CNTN5: variants seen among roughly 807,000 people sequenced by gnomAD.
CNTN5 encodes the protein contactin 5, also known as contactin-5.
Under a neutral mutation model 129.1 loss-of-function variants are expected in CNTN5, and 77 were observed. The observed-to-expected ratio is 0.60, with a 90% CI of 0.50 to 0.72. The LOEUF (loss-of-function observed/expected upper bound fraction) is 0.72, where lower values mean the gene tolerates loss of function less well. CNTN5 is among the 30% of genes least tolerant of loss of function. CNTN5 has a pLI of 0.00. For synonymous variants in CNTN5, 509 were observed against 465.6 expected, an observed-to-expected ratio of 1.09 and a Z score of -1.20; for missense variants, 1,478 against 1,328.8, an observed-to-expected ratio of 1.11 and a Z score of -1.75.
At chr11:99,028,093 C>T (rs939875894) in intron 1 of CNTN5, among the ~76,000 whole-genome samples, 2 of 151,726 alleles carry the variant, frequency 1.3e-5, no homozygotes, top group African/African-American at 2.4e-5. Context: ...AATTCTTTAA[C>T]ATTTTCAAAT....
At chr11:100,183,755 C>G (rs938512607) in intron 13 of CNTN5, among the ~76,000 whole-genome samples, 3 of 152,128 alleles carry the variant, frequency 2.0e-5, no homozygotes, top group African/African-American at 4.8e-5. Context: ...ACACTTTAAA[C>G]ATGTGCGATT....
At chr11:99,273,173 A>G (rs879430200) in intron 1 of CNTN5, among the ~76,000 whole-genome samples, 2 of 151,778 alleles carry the variant, frequency 1.3e-5, no homozygotes, top group Non-Finnish European at 2.9e-5. Context: ...AATGGGAAAA[A>G]GCCAAAAACA....
At chr11:99,146,562 G>A (rs1229107004) in intron 1 of CNTN5, among the ~76,000 whole-genome samples, 3 of 151,844 alleles carry the variant, frequency 2.0e-5, no homozygotes, top group Admixed American at 6.6e-5. Context: ...CAGAAGTTAG[G>A]GTTCTAAACA....
At chr11:99,527,552 G>A (rs1265169659) in intron 2 of CNTN5, among the ~76,000 whole-genome samples, 1 of 152,032 alleles carries the variant, frequency 6.6e-6, no homozygotes, top group African/African-American at 2.4e-5. Context: ...AAGAAAAATA[G>A]AGCAACTTCT....
chr11:99,638,632 G>A (rs543608787), intron 3 of CNTN5, among the ~76,000 whole-genome samples: 8 of 152,248 alleles, frequency 5.3e-5, no homozygotes, highest in South Asian at 4.1e-4. Flanking sequence ...GGGAGAAATC[G>A]GCTAAAACAA....
At chr11:100,314,426 T>C (rs1348075449) in intron 21 of CNTN5, among the ~76,000 whole-genome samples, 14 of 152,258 alleles carry the variant, frequency 9.2e-5, no homozygotes. Context: ...AGAAACAAGA[T>C]ATCATTTCTG....
At chr11:100,139,562 T>C (rs1345929880) in intron 13 of CNTN5, among the ~76,000 whole-genome samples, 1 of 152,010 alleles carries the variant, frequency 6.6e-6, no homozygotes, top group East Asian at 1.9e-4. Flanking sequence ...TAGGGCAGTT[T>C]CAAGAAATCA....
At chr11:99,190,901 G>C (rs1785112084) in intron 1 of CNTN5, among the ~76,000 whole-genome samples, 1 of 151,460 alleles carries the variant, frequency 6.6e-6, no homozygotes, top group Non-Finnish European at 1.5e-5. Context: ...TAGTGAGAAT[G>C]GGCATCCTTG....
At chr11:99,150,451 T>C (rs924274774) in intron 1 of CNTN5, among the ~76,000 whole-genome samples, 1 of 151,990 alleles carries the variant, frequency 6.6e-6, no homozygotes, top group Non-Finnish European at 1.5e-5. Flanking sequence ...AGTAGAGCAA[T>C]AATAGTAATC....
At chr11:100,058,967 G>A (rs1407409901) in intron 9 of CNTN5, among the ~76,000 whole-genome samples, 1 of 152,152 alleles carries the variant, frequency 6.6e-6, no homozygotes, top group African/African-American at 2.4e-5. Context: ...ACAGACGGAT[G>A]TGTTTCTGGG....
chr11:99,389,292 T>C (rs913551715), intron 2 of CNTN5, among the ~76,000 whole-genome samples: 2 of 152,074 alleles, frequency 1.3e-5, no homozygotes, highest in Admixed American at 6.6e-5. Flanking sequence ...CCCTGCAAAG[T>C]GCTGGGATTG....
intron 9 of CNTN5, among the ~76,000 whole-genome samples, chr11:100,003,398 A>G (rs770563): frequency 0.99 from 151,131 of 152,274 alleles, 75,009 homozygotes; most frequent in Middle Eastern, 1. Flanking sequence ...TCTGTGTCAA[A>G]TAGGTCTGAA....
chr11:100,036,442 G>C (rs1396700545), intron 9 of CNTN5, among the ~76,000 whole-genome samples: 2 of 151,690 alleles, frequency 1.3e-5, no homozygotes, highest in South Asian at 2.1e-4. Flanking sequence ...GATTGACTTG[G>C]CGATGCGGGC....
At chr11:99,239,730 T>C (rs1436511570) in intron 1 of CNTN5, among the ~76,000 whole-genome samples, 1 of 151,922 alleles carries the variant, frequency 6.6e-6, no homozygotes, top group Non-Finnish European at 1.5e-5. Flanking sequence ...GGTCAGCAGA[T>C]CGAGACCATC....
At chr11:99,973,069 G>T (rs916236914) in intron 8 of CNTN5, among the ~76,000 whole-genome samples, 2 of 151,798 alleles carry the variant, frequency 1.3e-5, no homozygotes, top group African/African-American at 4.8e-5. Flanking sequence ...TGAATGAAAG[G>T]CGATAACAAA....
chr11:100,214,289 C>G (rs1422905913), intron 15 of CNTN5, among the ~76,000 whole-genome samples: 1 of 152,094 alleles, frequency 6.6e-6, no homozygotes, highest in East Asian at 1.9e-4. Flanking sequence ...ATTTCCATAG[C>G]AAAAGCAGTT....
intron 1 of CNTN5, among the ~76,000 whole-genome samples, chr11:99,180,205 TAATAAGCAGATGATAC>T (rs1857981477): frequency 6.6e-6 from 1 of 152,112 alleles, no homozygotes; most frequent in South Asian, 2.1e-4. Context: ...AATGATATAA[TAATAAGCAGATGATAC>T]AGTAAGCAGA....
At chr11:99,439,306 G>A (rs200266656) in intron 2 of CNTN5, among the ~76,000 whole-genome samples, 21 of 98,172 alleles carry the variant, frequency 2.1e-4, no homozygotes, top group Admixed American at 1.2e-3. Flanking sequence ...GTGTGTGTGC[G>A]TGTGTGTGTA....
chr11:99,521,856 T>G, intron 2 of CNTN5, among the ~76,000 whole-genome samples: 1 of 152,192 alleles, frequency 6.6e-6, no homozygotes, highest in East Asian at 1.9e-4. Context: ...GTTTCTCTAT[T>G]AATTAGCTGG....
Sources: allele counts gnomAD v4.1 joint callset (sites outside exome capture counted in the v4.1 genomes callset), GRCh38; gene constraint gnomAD v4.1.1; transcripts MANE v1.5; gene names NCBI Gene and HGNC (gene_info 2026-07-23, HGNC 2026-07-21).